Variants in ARHGAP15 observed in about 807,000 individuals in gnomAD.
ARHGAP15 encodes the protein Rho GTPase activating protein 15.
Under a neutral mutation model 63.7 loss-of-function variants are expected in ARHGAP15, and 51 were observed. The ratio of observed to expected loss-of-function variants is 0.80; its 90% CI spans 0.64 to 1.01. The LOEUF is 1.01. Ranked by LOEUF, ARHGAP15 falls within the 50% of genes least tolerant of loss-of-function variation. The probability of loss-of-function intolerance (pLI) is 0.00; values close to 1 mark genes in which losing one functional copy is unlikely to be tolerated. For synonymous variants in ARHGAP15, 191 were observed against 193.8 expected (o/e 0.99, Z 0.12); for missense variants, 560 against 564.6 (o/e 0.99, Z 0.08).
chr2:143,246,042 G>A (rs1401124893), intron 5 of ARHGAP15, among the ~76,000 whole-genome samples: 1 of 152,176 alleles, frequency 6.6e-6, no homozygotes, highest in Non-Finnish European at 1.5e-5. Context: ...CCATTTTTAG[G>A]TGAACTAGTA....
chr2:143,501,327 A>G (rs2104933983), intron 9 of ARHGAP15, among the ~76,000 whole-genome samples: 1 of 152,344 alleles, frequency 6.6e-6, no homozygotes, highest in South Asian at 2.1e-4. Flanking sequence ...CAATGTTACA[A>G]TGAGCATGTT....
chr2:143,313,359 T>G (rs1683536361), intron 6 of ARHGAP15, among the ~76,000 whole-genome samples: 1 of 152,206 alleles, frequency 6.6e-6, no homozygotes, highest in Non-Finnish European at 1.5e-5. Flanking sequence ...ACCCGCTTCT[T>G]ATAACTCAAC....
At chr2:143,443,219 C>T (rs771015926) in intron 8 of ARHGAP15, among the ~76,000 whole-genome samples, 9 of 151,932 alleles carry the variant, frequency 5.9e-5, no homozygotes, top group Non-Finnish European at 1.3e-4. Flanking sequence ...CTAATCCTGC[C>T]AATGTATGAA....
intron 13 of ARHGAP15, among the ~76,000 whole-genome samples, chr2:143,720,447 T>C (rs1024495375): frequency 6.6e-6 from 1 of 152,030 alleles, no homozygotes; most frequent in Non-Finnish European, 1.5e-5. Flanking sequence ...AGGCCTCACC[T>C]CTCGCAACCG....
chr2:143,659,298 G>C (rs1450876261), intron 12 of ARHGAP15, among the ~76,000 whole-genome samples: 2 of 152,180 alleles, frequency 1.3e-5, no homozygotes, highest in Admixed American at 6.5e-5. Context: ...ATGCGGCATA[G>C]GGGGTGATGG....
intron 9 of ARHGAP15, among the ~76,000 whole-genome samples, chr2:143,511,572 G>A (rs1456845080): frequency 1.3e-5 from 2 of 151,434 alleles, no homozygotes; most frequent in African/African-American, 2.4e-5. Flanking sequence ...GTTCTTTTTT[G>A]TTTGTTTGTT....
intron 8 of ARHGAP15, among the ~76,000 whole-genome samples, chr2:143,454,408 G>A (rs1690551745): frequency 6.6e-6 from 1 of 152,068 alleles, no homozygotes; most frequent in Non-Finnish European, 1.5e-5. Context: ...TTATTTGGCT[G>A]GGAATACAGT....
intron 6 of ARHGAP15, among the ~76,000 whole-genome samples, chr2:143,428,938 T>C (rs986988451): frequency 6.6e-6 from 1 of 152,090 alleles, no homozygotes; most frequent in Non-Finnish European, 1.5e-5. Flanking sequence ...AATCCCAGGA[T>C]GATTCATTTA....
intron 12 of ARHGAP15, among the ~76,000 whole-genome samples, chr2:143,688,330 C>T (rs1683442188): frequency 6.6e-6 from 1 of 152,162 alleles, no homozygotes; most frequent in African/African-American, 2.4e-5. Flanking sequence ...TGTTTAGTAT[C>T]TCTCCAGAGC....
At chr2:143,173,944 G>A (rs1306719812) in intron 2 of ARHGAP15, among the ~76,000 whole-genome samples, 5 of 152,016 alleles carry the variant, frequency 3.3e-5, no homozygotes, top group Non-Finnish European at 7.4e-5. Flanking sequence ...GGGTCGTTCC[G>A]AGTTTTATTC....
intron 2 of ARHGAP15, among the ~76,000 whole-genome samples, chr2:143,162,690 A>G (rs1299666998): frequency 6.6e-6 from 1 of 152,048 alleles, no homozygotes; most frequent in African/African-American, 2.4e-5. Flanking sequence ...AAATTTTTGC[A>G]GCATCTCTTA....
intron 6 of ARHGAP15, among the ~76,000 whole-genome samples, chr2:143,418,430 A>T (rs555973623): frequency 6.6e-6 from 1 of 152,300 alleles, no homozygotes; most frequent in East Asian, 1.9e-4. Context: ...ATATAAATAA[A>T]ACCTTGCAAT....
At chr2:143,544,517 G>T (rs1695241095) in intron 10 of ARHGAP15, among the ~76,000 whole-genome samples, 1 of 152,046 alleles carries the variant, frequency 6.6e-6, no homozygotes, top group African/African-American at 2.4e-5. Flanking sequence ...ACATAAAATA[G>T]TTGGGAAATA....
chr2:143,499,378 AT>A (rs1574536542), intron 9 of ARHGAP15, among the ~76,000 whole-genome samples: 1 of 152,210 alleles, frequency 6.6e-6, no homozygotes, highest in African/African-American at 2.4e-5. Flanking sequence ...TTGGTTTTAA[AT>A]TGATAACAGC....
chr2:143,747,309 C>A (rs1459637735), intron 13 of ARHGAP15, among the ~76,000 whole-genome samples: 2 of 152,088 alleles, frequency 1.3e-5, no homozygotes, highest in Non-Finnish European at 2.9e-5. Context: ...ACCACATACA[C>A]ACAATTTCTC....
intron 8 of ARHGAP15, among the ~76,000 whole-genome samples, chr2:143,443,021 T>C (rs1049612867): frequency 6.6e-6 from 1 of 152,212 alleles, no homozygotes. Flanking sequence ...GAGACCTTTC[T>C]GGGAACTATG....
At chr2:143,599,513 C>G (rs1355741596) in intron 11 of ARHGAP15, among the ~76,000 whole-genome samples, 1 of 125,174 alleles carries the variant, frequency 8.0e-6, no homozygotes, top group Non-Finnish European at 1.8e-5. Flanking sequence ...GCCTGAGTAG[C>G]AAAGCAAGAC....
chr2:143,703,432 C>CAAGAAAAGA lies in ARHGAP15; in HGVS notation c.1154_1155insGAAAAGAAA (p.Asn384_Asn385insLysLysArg). ...TTTTTTTTCCAGAAAAGCAAGACAA[C>CAAGAAAAGA]AACACAAGAATTGAAGCTGTAAAAT... On this transcript the variant is annotated inframe_insertion, in exon 13 of 14. Coordinates refer to ENST00000295095, the MANE Select transcript of ARHGAP15 (RefSeq NM_018460.4). 1 of 1,607,628 alleles carries CAAGAAAAGA rather than the reference C, an allele frequency of 6.2e-7. No individual in the cohort carries two copies. The highest frequency in any genetic ancestry group is 8.5e-7 in the Non-Finnish European group (1 of 1,177,918).
intron 1 of ARHGAP15, among the ~76,000 whole-genome samples, chr2:143,148,621 C>T (rs1198453982): frequency 6.6e-6 from 1 of 152,074 alleles, no homozygotes; most frequent in South Asian, 2.1e-4. Context: ...GCAGCAAATA[C>T]TCCAGATTCC....
Sources: gnomAD v4.1 joint callset for allele counts (sites outside exome capture counted in the v4.1 genomes callset) on GRCh38, gnomAD v4.1.1 for gene constraint, MANE v1.5 for transcripts, NCBI Gene and HGNC (gene_info 2026-07-23, HGNC 2026-07-21) for gene names.